Variants in ARL13A observed in about 807,000 individuals in gnomAD.
ARL13A encodes the protein ADP-ribosylation factor-like protein 13A.
ARL13A carries 16 observed loss-of-function variants against 19.1 expected under a neutral mutation model. The observed-to-expected ratio is 0.84, with a 90% CI of 0.57 to 1.27. ARL13A has a LOEUF of 1.27. ARL13A is among the 50% of genes most tolerant of loss of function. The pLI is 0.00. For missense variants in ARL13A, 153 were observed against 186.4 expected, an observed-to-expected ratio of 0.82 and a Z score of 1.04; for synonymous variants, 69 against 71.3, an observed-to-expected ratio of 0.97 and a Z score of 0.17.
chrX:100,990,603 G>A lies in ARL13A; in HGVS notation c.*15G>A. 8.7e-7 allele frequency: 1 copy of A among 1,153,705 alleles called. No individual in the cohort carries two copies. Among genetic ancestry groups the A allele is most frequent in the Non-Finnish European group, 1.2e-6 (1 of 861,202 alleles). ...ATACTCACTGAGAGGCTCAAGAAGA[G>A]TGAGATGGCATCCATTGAGAATGAA... On this transcript the variant is annotated 3_prime_UTR_variant, in exon 8 of 8. Transcript: ENST00000450049.
chrX:100,985,694 T>A lies in ARL13A; in HGVS notation c.158T>A (p.Met53Lys). 5.8e-6 allele frequency: 7 copies of A among 1,210,477 alleles called. No individual in the cohort carries two copies. Among genetic ancestry groups the A allele is most frequent in the Non-Finnish European group, 7.8e-6 (7 of 894,926 alleles). Residue 53 changes from methionine (M) to lysine (K), a missense_variant, in exon 4 of 8, where the codon ATG becomes AAG. By Grantham distance (95) the Met-to-Lys change is moderately conservative. Coordinates refer to ENST00000450049, the MANE Select transcript of ARL13A (RefSeq NM_001162491.2). ...CTTCCCAGTAAGACAGACCATTGCATGAAATCGGAACTGACTACACTTTTG... is the reference window on the plus strand; with the variant it reads ...CTTCCCAGTAAGACAGACCATTGCAAGAAATCGGAACTGACTACACTTTTG... ...KLLPSKTDHC[M>K]KSELTTLLLD...
intron 3 of ARL13A, 117 bp downstream of exon 3, chrX:100,974,314 C>T (rs1281527314): frequency 3.8e-6 from 2 of 521,636 alleles, no homozygotes; most frequent in Admixed American, 2.9e-5. Flanking sequence ...TCTTTTTGTG[C>T]ATAAACACCT....
intron 6 of ARL13A, 149 bp from the exon 7 acceptor site, chrX:100,988,044 G>C (rs1602469217): frequency 2.9e-5 from 13 of 452,262 alleles, no homozygotes; most frequent in Middle Eastern, 5.8e-4. Flanking sequence ...TCAGAGTTTT[G>C]AGGAGCAAAA....
rs766429225 is a variant in ARL13A, at chrX:100,970,494, C to T, written c.-15+685C>T. 4.5e-5 allele frequency among the ~76,000 whole-genome samples: 5 copies of T among 112,253 alleles called. No individual in the cohort carries two copies. The East Asian group carries it at 1.1e-3, about 25-fold the overall frequency. ...GCCCATCGAAGCATTAACTGAAGTA[C>T]TTTGCTAACCCAACCAGGGCTTCCT... is the stretch of plus-strand genomic sequence containing the variant. On this transcript the variant is annotated intron_variant, in intron 1 of 7. Transcript: ENST00000450049.
intron 7 of ARL13A, chrX:100,990,322 T>C: frequency 1.1e-6 from 1 of 903,000 alleles, no homozygotes; most frequent in East Asian, 5.2e-5. Context: ...TTTTTCTCTT[T>C]TTACTTTCAA....
At chrX:100,978,044 C>T (rs2085795981) in intron 3 of ARL13A, among the ~76,000 whole-genome samples, 1 of 112,133 alleles carries the variant, frequency 8.9e-6, no homozygotes, top group African/African-American at 3.2e-5. Flanking sequence ...TGCTGCATCA[C>T]ATGGTAGTTC....
chrX:100,988,337 C>T lies in ARL13A; in HGVS notation c.744+54C>T, dbSNP rs775871318. ...AGTGACCAATCCCTGAACACGTGGGCACCAACTAACTTTCCCCCCCATCAT... is the reference window on the plus strand; with the variant it reads ...AGTGACCAATCCCTGAACACGTGGGTACCAACTAACTTTCCCCCCCATCAT... On this transcript the variant is annotated intron_variant, in intron 7 of 7. Coordinates refer to ENST00000450049, the MANE Select transcript of ARL13A (RefSeq NM_001162491.2). The T allele has an allele frequency of 1.6e-5, 19 of 1,203,403 alleles. No individual in the cohort carries two copies. In the Admixed American group the frequency reaches 3.9e-4, roughly 25 times the overall value.
intron 1 of ARL13A, 148 bp from the exon 2 acceptor site, chrX:100,973,528 T>C: frequency 2.1e-6 from 2 of 945,166 alleles, no homozygotes; most frequent in Non-Finnish European, 2.9e-6. Context: ...ATGACATTTA[T>C]AGACACAGTT....
rs1483304338 is a variant in ARL13A at position 100,990,518 on chromosome X, A to T, written c.745-44A>T. On this transcript the variant is annotated intron_variant, in intron 7 of 7. Transcript: ENST00000450049. ...ATACAACTCCACCTACTCTAATATC[A>T]CATCCCTGAGAACCCCTGTTGTTCC... The T allele has an allele frequency of 2.7e-6, 3 of 1,097,439 alleles. No individual in the cohort carries two copies. In the East Asian group the frequency reaches 1.0e-4, roughly 38 times the overall value. 90.4% of individuals were successfully genotyped at this position (1,097,439 alleles called of 1,213,427 possible). A position where few individuals can be genotyped will look rare whatever the true frequency, so the allele number is the denominator to read the frequency against.
At chrX:100,988,083 A>G in intron 6 of ARL13A, 110 bp from the exon 7 acceptor site, 2 of 563,738 alleles carry the variant, frequency 3.5e-6, no homozygotes, top group Non-Finnish European at 5.7e-6. Context: ...CTCTGTTGTC[A>G]CTTTCATTGC....
In ARL13A at chrX:100,988,356, C is replaced by A. The variant is rs762060898; in HGVS notation, c.744+73C>A. The A allele has an allele frequency of 1.4e-5, 17 of 1,204,971 alleles. No homozygotes were observed. The Admixed American group carries it at 3.8e-4, about 27-fold the overall frequency. ...CGTGGGCACCAACTAACTTTCCCCCCCATCATCTTCTTGCTGTACAGAAAG... is the reference window on the plus strand; with the variant it reads ...CGTGGGCACCAACTAACTTTCCCCCACATCATCTTCTTGCTGTACAGAAAG... On this transcript the variant is annotated intron_variant, in intron 7 of 7. Transcript: ENST00000450049.
In ARL13A at chrX:100,985,857, G is replaced by A. The variant is rs1469333345; in HGVS notation, c.321G>A (p.Val107=). The change falls in exon 4 of 8, where the codon GTG becomes GTA. Residue 107 remains valine (V), a synonymous_variant. Transcript: ENST00000450049. ...DSSDIRRMQE[V]KIILTHLLSD... is the part of the protein sequence containing the mutation. ...GTGACATAAGACGCATGCAGGAAGT[G>A]AAGATCATCTTAACACATCTGCTGT... 1 of 1,209,521 alleles carries A rather than the reference G, an allele frequency of 8.3e-7. No homozygotes were observed. The highest frequency in any genetic ancestry group is 1.1e-6 in the Non-Finnish European group (1 of 894,937).
At chrX:100,972,293 C>T (rs1233331599) in intron 1 of ARL13A, among the ~76,000 whole-genome samples, 1 of 102,526 alleles carries the variant, frequency 9.8e-6, no homozygotes, top group African/African-American at 3.5e-5. Flanking sequence ...TCCTCACTTC[C>T]CAGTAGGGGG....
In ARL13A at chrX:100,986,758, T is replaced by C. The variant is rs7052595; in HGVS notation, c.381-38T>C. On this transcript the variant is annotated intron_variant, in intron 4 of 7. Coordinates refer to ENST00000450049, the MANE Select transcript of ARL13A (RefSeq NM_001162491.2). ...TTTTGCTTCTGTTTTGGTTTCACTC[T>C]TCCACTCTTTTCCTCCCTCTCTCAT... The C allele has an allele frequency of 1.6e-5, 16 of 1,015,794 alleles. No homozygotes were observed. The African/African-American group carries it at 2.8e-4, about 18-fold the overall frequency. The allele number at this position is 1,015,794 out of a possible 1,213,427, so 83.7% of individuals were successfully genotyped here.
Position 100,988,213 on chromosome X carries a change from T to C in ARL13A, c.674T>C (p.Met225Thr), listed in dbSNP as rs1283641307. ...ACCAGCTTCTCCACCAGAACAGGAA[T>C]GTCAAAGGAGAAAAGACAGCATCTA... The part of the protein sequence containing the change: ...SSHSFSTRTG[M>T]SKEKRQHLEQ... Residue 225 changes from methionine (M) to threonine (T), a missense_variant, in exon 7 of 8, where the codon ATG becomes ACG. Transcript: ENST00000450049. 2 of 1,206,362 alleles carry C rather than the reference T, an allele frequency of 1.7e-6. No homozygotes were observed. Among genetic ancestry groups the C allele is most frequent in the Admixed American group, 2.2e-5 (1 of 45,388 alleles).
chrX:100,980,799 T>C (rs1373312186), intron 3 of ARL13A, among the ~76,000 whole-genome samples: 1 of 111,065 alleles, frequency 9.0e-6, no homozygotes, highest in Middle Eastern at 4.2e-3. Context: ...GGCTCTTTAG[T>C]CAGGTGGTGG....
At chrX:100,973,536 G>A (rs1448027714) in intron 1 of ARL13A, 140 bp from the exon 2 acceptor site, 2 of 944,117 alleles carry the variant, frequency 2.1e-6, no homozygotes, top group Non-Finnish European at 2.9e-6. Flanking sequence ...TATAGACACA[G>A]TTGGATAGAA....
chrX:100,974,006 G>C, intron 2 of ARL13A, 121 bp from the exon 3 acceptor site: 1 of 615,734 alleles, frequency 1.6e-6, no homozygotes, highest in East Asian at 3.6e-5. Flanking sequence ...GCCTTTTATG[G>C]TACATGCATT....
chrX:100,973,506 C>T (rs369141536), intron 1 of ARL13A, among the ~76,000 whole-genome samples, 170 bp from the exon 2 acceptor site: 4 of 111,311 alleles, frequency 3.6e-5, no homozygotes, highest in African/African-American at 1.3e-4. Context: ...CGGGCGGCGG[C>T]GGCTGCCTTC....
Sources: allele counts gnomAD v4.1 joint callset (sites outside exome capture counted in the v4.1 genomes callset), GRCh38; gene constraint gnomAD v4.1.1; transcripts MANE v1.5; gene names NCBI Gene and HGNC (gene_info 2026-07-23, HGNC 2026-07-21).